The following DNAH1 variants were observed in gnomAD, a reference collection of about 807,000 sequenced individuals.
DNAH1 encodes axonemal beta dynein heavy chain 1.
DNAH1 carries 327 observed loss-of-function variants against 484.3 expected under a neutral mutation model. That is an observed-to-expected ratio of 0.68 (90% confidence interval 0.62 to 0.74). The LOEUF (loss-of-function observed/expected upper bound fraction) is 0.74, where lower values mean the gene tolerates loss of function less well. DNAH1 is among the 30% of genes least tolerant of loss of function. The probability of loss-of-function intolerance (pLI) is 0.00; values close to 1 mark genes in which losing one functional copy is unlikely to be tolerated. For missense variants in DNAH1, 5,052 were observed against 5,546.8 expected, an observed-to-expected ratio of 0.91 and a Z score of 2.83; for synonymous variants, 2,192 against 2,191.9, an observed-to-expected ratio of 1.00 and a Z score of 0.00.
At chr3:52,399,858 T>C (rs1704827962) in intron 77 of DNAH1, 79 bp downstream of exon 77, 9 of 1,429,678 alleles carry the variant, frequency 6.3e-6, no homozygotes, top group African/African-American at 1.4e-5. Context: ...CAGTCACTTA[T>C]CCAGGTTAGC....
chr3:52,381,647 A>G lies in DNAH1; in HGVS notation c.7616A>G (p.Gln2539Arg). 6.2e-7 allele frequency: 1 copy of G among 1,603,592 alleles called. No individual in the cohort carries two copies. Among genetic ancestry groups the G allele is most frequent in the Non-Finnish European group, 8.5e-7 (1 of 1,174,208 alleles). The part of the protein sequence containing the change: ...ELITSESKMM[Q>R]VIEEYIEDYN... ...CCTCGCCTTGGTGCACAGATGATGC[A>G]GGTGATAGAGGAGTACATAGAGGAC... The change falls in exon 49 of 78, where the codon CAG becomes CGG. Residue 2539 changes from glutamine to arginine, a missense_variant. Physicochemically the swap from Gln to Arg is conservative, Grantham distance 43. This residue lies in a region of DNAH1 where 2,929 missense variants were observed against 3,409.4 expected (regional missense o/e 0.86). Coordinates refer to ENST00000420323, the MANE Select transcript of DNAH1 (RefSeq NM_015512.5). The surrounding 1 kb of genome is among the most constrained non-coding windows in gnomAD (Gnocchi z 4.1).
rs571587440 is a variant in DNAH1, at chr3:52,334,960, C to T, written c.1286+2566C>T. The stretch of plus-strand genomic sequence containing the variant: ...GCCCCCCGGCGCCCGCCACCATGCC[C>T]GGCTAATTTTTTTGTATTTTTAGTA... On this transcript the variant is annotated intron_variant, in intron 8 of 77. Coordinates refer to ENST00000420323, the MANE Select transcript of DNAH1 (RefSeq NM_015512.5). Among the ~76,000 whole-genome samples the T allele has an allele frequency of 7.2e-5, 11 of 152,020 alleles. No homozygotes were observed. The South Asian group carries it at 1.9e-3, about 26-fold the overall frequency.
intron 21 of DNAH1, among the ~76,000 whole-genome samples, chr3:52,356,209 G>A (rs891219161): frequency 1.2e-4 from 18 of 152,358 alleles, no homozygotes; most frequent in South Asian, 6.2e-4. Context: ...TCACACTCAA[G>A]ACCCATTGAA....
chr3:52,393,416 G>T lies in DNAH1; in HGVS notation c.10557G>T (p.Glu3519Asp). Residue 3519 changes from glutamate to aspartate, a missense_variant, in exon 66 of 78, where the codon GAG becomes GAT. This residue lies in a region of DNAH1 where 2,929 missense variants were observed against 3,409.4 expected (regional missense o/e 0.86). Coordinates refer to ENST00000420323, the MANE Select transcript of DNAH1 (RefSeq NM_015512.5). ...LYSNVCRSLF[E>D]KHKLMFAFLL... ...GCAACGTCTGCCGCAGCCTCTTTGA[G>T]AAGCACAAGCTGATGTTTGCCTTCC... 1.9e-6 allele frequency: 3 copies of T among 1,614,040 alleles called. No homozygotes were observed. Among genetic ancestry groups the T allele is most frequent in the Non-Finnish European group, 2.5e-6 (3 of 1,179,900 alleles).
chr3:52,393,250 G>A, intron 65 of DNAH1, 84 bp from the exon 66 acceptor site: 2 of 1,588,044 alleles, frequency 1.3e-6, no homozygotes, highest in East Asian at 2.3e-5. Flanking sequence ...ACGGCTGCTG[G>A]GGAGACTGGC....
intron 77 of DNAH1, 96 bp from the exon 78 acceptor site, chr3:52,400,229 T>C: frequency 6.5e-7 from 1 of 1,534,750 alleles, no homozygotes; most frequent in South Asian, 1.2e-5. Flanking sequence ...CCCCTCCCTG[T>C]CCTCAGCTTA....
chr3:52,345,375 G>A (rs1702099822), intron 9 of DNAH1, 120 bp from the exon 10 acceptor site: 2 of 835,036 alleles, frequency 2.4e-6, no homozygotes, highest in South Asian at 3.5e-5. Flanking sequence ...GGGAACGCCA[G>A]TCACTCTTCA....
intron 8 of DNAH1, 25 bp downstream of exon 8, chr3:52,332,419 A>G (rs773505066): frequency 1.6e-5 from 26 of 1,604,246 alleles, no homozygotes; most frequent in Non-Finnish European, 2.2e-5. Flanking sequence ...GGCCTTCCCT[A>G]TTCTGGGCAT....
chr3:52,374,053 G>C, intron 44 of DNAH1: 1 of 1,016,292 alleles, frequency 9.8e-7, no homozygotes, highest in South Asian at 1.3e-5. Context: ...AGTTTGTATT[G>C]CAGCTTTTAA....
chr3:52,375,708 A>G (rs1703560594), intron 45 of DNAH1, among the ~76,000 whole-genome samples: 1 of 152,154 alleles, frequency 6.6e-6, no homozygotes, highest in Non-Finnish European at 1.5e-5. Context: ...GCACACAGAT[A>G]TGCACTCACT....
intron 26 of DNAH1, 31 bp downstream of exon 26, chr3:52,359,417 C>G (rs914518448): frequency 1.2e-5 from 18 of 1,558,574 alleles, no homozygotes; most frequent in Non-Finnish European, 1.6e-5. Flanking sequence ...TGTCTGTCCC[C>G]CTCCACCCCC....
intron 4 of DNAH1, 62 bp from the exon 5 acceptor site, chr3:52,326,673 A>G: frequency 6.5e-7 from 1 of 1,527,752 alleles, no homozygotes; most frequent in Non-Finnish European, 8.8e-7. Flanking sequence ...CCTTGTGGAC[A>G]CCCATGGAGC....
intron 73 of DNAH1, 33 bp from the exon 74 acceptor site, chr3:52,397,674 C>T: frequency 6.4e-7 from 1 of 1,562,128 alleles, no homozygotes; most frequent in Non-Finnish European, 8.7e-7. Context: ...CAGAGCAAGC[C>T]AGGGGCTTCC....
rs1437972390 is a variant in DNAH1 at position 52,392,487 on chromosome 3, G to A, written c.10076G>A (p.Gly3359Asp). 2.5e-6 allele frequency: 4 copies of A among 1,613,786 alleles called. No homozygotes were observed. Among genetic ancestry groups the A allele is most frequent in the Non-Finnish European group, 3.4e-6 (4 of 1,179,866 alleles). ...AGTGGCCTAGAGGACCAGCTACTGG[G>A]CCAGGTAGTGGCAGAGGAGCGACCC... is the stretch of plus-strand genomic sequence containing the variant. ...SPSGLEDQLL[G>D]QVVAEERPDL... Residue 3359 changes from glycine to aspartate, a missense_variant, in exon 64 of 78, where the codon GGC becomes GAC. This residue lies in a region of DNAH1 where 2,929 missense variants were observed against 3,409.4 expected (regional missense o/e 0.86). Coordinates refer to ENST00000420323, the MANE Select transcript of DNAH1 (RefSeq NM_015512.5).
In DNAH1 at chr3:52,368,792, C is replaced by T. The variant is rs1559538821; in HGVS notation, c.5817C>T (p.Asp1939=). 6.2e-7 allele frequency: 1 copy of T among 1,614,028 alleles called. No individual in the cohort carries two copies. Among genetic ancestry groups the T allele is most frequent in the Non-Finnish European group, 8.5e-7 (1 of 1,179,896 alleles). ...TCCGGGCGGGGGCCATCACCTCCGA[C>T]ACCAACAAGAAGTGGTACATGTTCG... ...SFIRAGAITS[D]TNKKWYMFDG... is the part of the protein sequence containing the mutation. The change falls in exon 37 of 78, where the codon GAC becomes GAT. Residue 1939 remains aspartate, a synonymous_variant. Transcript: ENST00000420323. This position sits in a 1 kb window ranked among gnomAD's most constrained non-coding sequence, Gnocchi z 4.4.
intron 65 of DNAH1, 94 bp downstream of exon 65, chr3:52,393,119 C>A: frequency 6.8e-7 from 1 of 1,469,462 alleles, no homozygotes; most frequent in Non-Finnish European, 9.3e-7. Context: ...CAACTGTGTT[C>A]ACTGGCGTAC....
At chr3:52,387,751 T>C (rs935384057) in intron 56 of DNAH1, among the ~76,000 whole-genome samples, 70 of 152,304 alleles carry the variant, frequency 4.6e-4, no homozygotes, top group African/African-American at 1.6e-3. Context: ...GGACTCTCCC[T>C]GGGTGGGACA....
chr3:52,393,577 T>C (rs759698656), intron 66 of DNAH1, 92 bp downstream of exon 66: 356 of 1,556,482 alleles, frequency 2.3e-4, no homozygotes, highest in Non-Finnish European at 3.0e-4. Flanking sequence ...AAGCCAGGCA[T>C]GAAGGCACCG....
chr3:52,396,573 C>CG, intron 71 of DNAH1, 35 bp downstream of exon 71: 1 of 1,611,354 alleles, frequency 6.2e-7, no homozygotes, highest in Non-Finnish European at 8.5e-7. Context: ...ACCCTACCTG[C>CG]CCCCGTCCCC....
Sources: gnomAD v4.1 joint callset for allele counts (sites outside exome capture counted in the v4.1 genomes callset) on GRCh38, gnomAD v4.1.1 for gene constraint, gnomAD v4.1.1 regional missense constraint, Gnocchi (gnomAD v3.1) non-coding constraint, MANE v1.5 for transcripts, NCBI Gene and HGNC (gene_info 2026-07-23, HGNC 2026-07-21) for gene names.